Variants in JRK observed in about 807,000 individuals in gnomAD.
JRK encodes the protein Jrk helix-turn-helix protein.
For synonymous variants in JRK, 303 were observed against 218.1 expected, an observed-to-expected ratio of 1.39 and a Z score of -3.43; for missense variants, 720 against 509.2, an observed-to-expected ratio of 1.41 and a Z score of -3.98.
At position 142,662,165 on chromosome 8, in the gene JRK, AC is replaced by A; in HGVS notation, c.*2186del. The A allele has an allele frequency of 1.0e-6, 1 of 985,880 alleles. No homozygotes were observed. 61.1% of individuals were successfully genotyped at this position (985,880 alleles called of 1,614,324 possible). A position where few individuals can be genotyped will look rare whatever the true frequency, so the allele number is the denominator to read the frequency against. On this transcript the variant is annotated 3_prime_UTR_variant, in exon 2 of 2. Transcript: ENST00000612905. Reference sequence around the variant, plus strand: ...AGCCACTCACTGGGGACAAGCGCCTACCCATCAGCCCAGCACAGTCAGCACA... The same window carrying A: ...AGCCACTCACTGGGGACAAGCGCCTACCATCAGCCCAGCACAGTCAGCACA...
chr8:142,648,938 A>T, the JRK span, among the ~76,000 whole-genome samples: 1 of 152,364 alleles, frequency 6.6e-6, no homozygotes, highest in Middle Eastern at 3.4e-3. Context: ...CACCTCTTGC[A>T]TCAGCATGAC....
In JRK at chr8:142,664,312, G is replaced by A; in HGVS notation, c.*40C>T. 1.3e-6 allele frequency: 2 copies of A among 1,517,158 alleles called. No individual in the cohort carries two copies. The highest frequency in any genetic ancestry group is 8.8e-7 in the Non-Finnish European group (1 of 1,131,350). 94.0% of individuals were successfully genotyped at this position (1,517,158 alleles called of 1,614,324 possible). A position where few individuals can be genotyped will look rare whatever the true frequency, so the allele number is the denominator to read the frequency against. On this transcript the variant is annotated 3_prime_UTR_variant, in exon 2 of 2. Coordinates refer to ENST00000612905, the MANE Select transcript of JRK (RefSeq NM_003724.4). ...GGACCATGCCACTCCAGGGTGTGGG[G>A]AGAAACAGGGCCAGTGGCCAGGGCA...
chr8:142,649,803 T>G, the JRK span, among the ~76,000 whole-genome samples: 1 of 152,194 alleles, frequency 6.6e-6, no homozygotes, highest in South Asian at 2.1e-4. Context: ...GGAACGAAAA[T>G]GTGGGGTGGG....
rs1846873855 is a variant in JRK at position 142,660,239 on chromosome 8, T to G, written c.*4113A>C. The G allele has an allele frequency of 1.0e-6, 1 of 985,434 alleles. No homozygotes were observed. The highest frequency in any genetic ancestry group is 4.7e-5 in the South Asian group (1 of 21,300). The allele number at this position is 985,434 out of a possible 1,614,324, so 61.0% of individuals were successfully genotyped here. ...GTCCTCGAACCCAGAGGGGGCTGGG[T>G]AAGCAGCAGAAGTGCAGAAGCCCTG... is the stretch of plus-strand genomic sequence containing the variant. On this transcript the variant is annotated 3_prime_UTR_variant, in exon 2 of 2. Transcript: ENST00000612905.
At chr8:142,669,226 G>A (rs1404667773) in intron 1 of JRK, among the ~76,000 whole-genome samples, 3 of 148,728 alleles carry the variant, frequency 2.0e-5, no homozygotes, top group South Asian at 2.1e-4. Flanking sequence ...GGGTATGGAG[G>A]ATATGAAGGA....
At chr8:142,657,282 G>A (rs1223332036), downstream of JRK, among the ~76,000 whole-genome samples, 1 of 152,194 alleles carries the variant, frequency 6.6e-6, no homozygotes, top group Non-Finnish European at 1.5e-5. Context: ...TGGCTCGAGG[G>A]ACAGGAGCAG....
In JRK at chr8:142,665,767, G is replaced by A. The variant is rs1554635871; in HGVS notation, c.292C>T (p.Leu98=). The A allele has an allele frequency of 1.3e-6, 1 of 776,962 alleles. No individual in the cohort carries two copies. The highest frequency in any genetic ancestry group is 2.4e-5 in the East Asian group (1 of 41,184). The allele number at this position is 776,962 out of a possible 1,614,324, so 48.1% of individuals were successfully genotyped here. The part of the protein sequence containing the change: ...HLDRVLYEWF[L]GKRSEGVPVS... ...GGGACGCCCTCGGAGCGCTTCCCCA[G>A]GAACCACTCGTACAGGACGCGGTCC... is the stretch of plus-strand genomic sequence containing the variant. The change falls in exon 2 of 2, where the codon CTG becomes TTG. Residue 98 remains leucine (L), a synonymous_variant. Coordinates refer to ENST00000612905, the MANE Select transcript of JRK (RefSeq NM_003724.4).
chr8:142,669,080 C>A (rs1365776411), intron 1 of JRK, among the ~76,000 whole-genome samples: 2 of 152,030 alleles, frequency 1.3e-5, no homozygotes, highest in Non-Finnish European at 2.9e-5. Flanking sequence ...GGGGCCAGCG[C>A]TGGGGCTGAC....
chr8:142,658,664 T>C lies in JRK; in HGVS notation c.*5688A>G. The C allele has an allele frequency of 9.9e-7, 1 of 1,009,476 alleles. No homozygotes were observed. The highest frequency in any genetic ancestry group is 1.4e-6 in the Non-Finnish European group (1 of 736,672). The allele number at this position is 1,009,476 out of a possible 1,614,324, so 62.5% of individuals were successfully genotyped here. On this transcript the variant is annotated 3_prime_UTR_variant, in exon 2 of 2. Transcript: ENST00000612905. ...CTAGTCACCTCCCAAAGGCCCCACC[T>C]CCTAATACCACCCTCCTGGGGGTCA...
downstream of JRK, among the ~76,000 whole-genome samples, chr8:142,652,672 A>G (rs1846687887): frequency 6.6e-6 from 1 of 152,190 alleles, no homozygotes; most frequent in East Asian, 1.9e-4. Flanking sequence ...TTTAAGTAAT[A>G]ACTGCTCTAA....
At chr8:142,646,235 T>C in the JRK span, among the ~76,000 whole-genome samples, 2 of 152,218 alleles carry the variant, frequency 1.3e-5, no homozygotes, top group African/African-American at 4.8e-5. Context: ...GAAAAAGATT[T>C]GACCTAACTG....
downstream of JRK, among the ~76,000 whole-genome samples, chr8:142,654,474 G>A (rs1468478716): frequency 1.3e-5 from 2 of 151,728 alleles, no homozygotes; most frequent in Non-Finnish European, 2.9e-5. Flanking sequence ...CCAGGCTGGA[G>A]GCCAATGTGG....
chr8:142,652,698 A>G (rs1846688190), downstream of JRK, among the ~76,000 whole-genome samples: 1 of 152,156 alleles, frequency 6.6e-6, no homozygotes, highest in African/African-American at 2.4e-5. Flanking sequence ...TCTCAGCTTG[A>G]CTTTTCCCTT....
chr8:142,657,649 A>G lies in JRK; in HGVS notation c.*6703T>C, dbSNP rs145796364. The stretch of plus-strand genomic sequence containing the variant: ...GAGGTGCCACCAGGCTCTTTTTAAC[A>G]AACAGTTCTCACAGAAACTAATCAA... On this transcript the variant is annotated 3_prime_UTR_variant, in exon 2 of 2. Transcript: ENST00000612905. The G allele has an allele frequency of 4.6e-5, 7 of 152,370 alleles. No individual in the cohort carries two copies. Among genetic ancestry groups the G allele is most frequent in the East Asian group, 1.9e-4 (1 of 5,174 alleles). The allele number at this position is 152,370 out of a possible 1,614,324, so 9.4% of individuals were successfully genotyped here. A position where few individuals can be genotyped will look rare whatever the true frequency, so the allele number is the denominator to read the frequency against.
At chr8:142,654,092 G>A (rs1255605380), downstream of JRK, among the ~76,000 whole-genome samples, 1 of 152,158 alleles carries the variant, frequency 6.6e-6, no homozygotes, top group Non-Finnish European at 1.5e-5. Flanking sequence ...ACCCTGCAGG[G>A]TCTGCTGATT....
downstream of JRK, among the ~76,000 whole-genome samples, chr8:142,657,188 A>T (rs782462801): frequency 2.0e-5 from 3 of 152,172 alleles, no homozygotes. Context: ...GCACTGCTAG[A>T]TGAGTCCTAT....
Position 142,660,951 on chromosome 8 carries a change from A to G in JRK, c.*3401T>C. 7 of 985,420 alleles carry G rather than the reference A, an allele frequency of 7.1e-6. No individual in the cohort carries two copies. The highest frequency in any genetic ancestry group is 8.4e-6 in the Non-Finnish European group (7 of 829,980). The allele number at this position is 985,420 out of a possible 1,614,324, so 61.0% of individuals were successfully genotyped here. On this transcript the variant is annotated 3_prime_UTR_variant, in exon 2 of 2. Coordinates refer to ENST00000612905, the MANE Select transcript of JRK (RefSeq NM_003724.4). Reference sequence around the variant, plus strand: ...TGATGACAGTCCTCCAACCCCAGCGAGCTGGGGAAGCCGTGGGCAGGGGCT... The same window carrying G: ...TGATGACAGTCCTCCAACCCCAGCGGGCTGGGGAAGCCGTGGGCAGGGGCT...
rs1846830559 is a variant in JRK, at chr8:142,659,011, C to T, written c.*5341G>A. On this transcript the variant is annotated 3_prime_UTR_variant, in exon 2 of 2. Coordinates refer to ENST00000612905, the MANE Select transcript of JRK (RefSeq NM_003724.4). ...TATGTCCACACCATAGGGGTGTAGT[C>T]ACTTCCCTCTGCCAGGGAGAATGGT... 3 of 1,533,414 alleles carry T rather than the reference C, an allele frequency of 2.0e-6. No individual in the cohort carries two copies. Among genetic ancestry groups the T allele is most frequent in the Admixed American group, 2.0e-5 (1 of 49,730 alleles). 95.0% of individuals were successfully genotyped at this position (1,533,414 alleles called of 1,614,324 possible).
At chr8:142,647,771 C>T in the JRK span, among the ~76,000 whole-genome samples, 1,294 of 152,236 alleles carry the variant, frequency 8.5e-3, 11 homozygotes, top group Non-Finnish European at 0.013. Flanking sequence ...TGAAAAGATA[C>T]CTGAAAATGT....
Sources: allele counts gnomAD v4.1 joint callset (sites outside exome capture counted in the v4.1 genomes callset), GRCh38; gene constraint gnomAD v4.1.1; transcripts MANE v1.5; gene names NCBI Gene and HGNC (gene_info 2026-07-23, HGNC 2026-07-21).